The following KCNH8 variants were observed in gnomAD, a reference collection of about 807,000 sequenced individuals.
KCNH8 encodes voltage-gated delayed rectifier potassium channel KCNH8.
Under a neutral mutation model 103.6 loss-of-function variants are expected in KCNH8, and 70 were observed. The ratio of observed to expected loss-of-function variants is 0.68; its 90% CI spans 0.56 to 0.82. The LOEUF (loss-of-function observed/expected upper bound fraction) is 0.82, where lower values mean the gene tolerates loss of function less well. Among genes scored for constraint, KCNH8 ranks in the 40% least tolerant of loss-of-function variants. The probability of loss-of-function intolerance (pLI) is 0.00; values close to 1 mark genes in which losing one functional copy is unlikely to be tolerated. For missense variants in KCNH8, 1,217 were observed against 1,329.9 expected (o/e 0.92, Z 1.32); for synonymous variants, 498 against 489.4 (o/e 1.02, Z -0.23).
intron 3 of KCNH8, among the ~76,000 whole-genome samples, chr3:19,293,240 A>G (rs183741331): frequency 6.6e-6 from 1 of 152,296 alleles, no homozygotes; most frequent in Admixed American, 6.5e-5. Context: ...CAGAGCTTAT[A>G]TATTTCCACT....
chr3:19,456,485 T>G (rs2067534063), intron 10 of KCNH8, among the ~76,000 whole-genome samples: 1 of 152,076 alleles, frequency 6.6e-6, no homozygotes, highest in Non-Finnish European at 1.5e-5. Context: ...TTTGTCATAA[T>G]AACATTCCAA....
chr3:19,364,804 A>G lies in KCNH8; in HGVS notation c.811+16839A>G, dbSNP rs527452115. 6.6e-5 allele frequency among the ~76,000 whole-genome samples: 10 copies of G among 152,252 alleles called. No individual in the cohort carries two copies. In the South Asian group the frequency reaches 2.1e-3, roughly 32 times the overall value. ...GCACTTAAGCAAAGATTAAAATTGC[A>G]TTTGTTTTACAAATCAACTGTCAGT... is the stretch of plus-strand genomic sequence containing the variant. On this transcript the variant is annotated intron_variant, in intron 5 of 15. Coordinates refer to ENST00000328405, the MANE Select transcript of KCNH8 (RefSeq NM_144633.3).
At chr3:19,459,271 G>C (rs1415525152) in intron 11 of KCNH8, among the ~76,000 whole-genome samples, 1 of 150,608 alleles carries the variant, frequency 6.6e-6, no homozygotes, top group Admixed American at 6.6e-5. Context: ...CTTTGTTGTT[G>C]TTTTTTTTAA....
intron 11 of KCNH8, among the ~76,000 whole-genome samples, chr3:19,497,370 A>C (rs2068465551): frequency 6.6e-6 from 1 of 151,802 alleles, no homozygotes; most frequent in African/African-American, 2.4e-5. Context: ...TAACTTTTTG[A>C]TGTGGGTGTT....
intron 11 of KCNH8, among the ~76,000 whole-genome samples, chr3:19,481,568 G>T (rs1458434084): frequency 1.3e-5 from 2 of 152,136 alleles, no homozygotes; most frequent in African/African-American, 2.4e-5. Context: ...GAAAATTGGG[G>T]TCAATAAAGG....
intron 7 of KCNH8, among the ~76,000 whole-genome samples, chr3:19,403,425 T>G (rs1311677490): frequency 6.8e-6 from 1 of 146,176 alleles, no homozygotes; most frequent in African/African-American, 2.5e-5. Flanking sequence ...ATGGTATTAC[T>G]AAAGAACAAT....
chr3:19,405,352 A>G lies in KCNH8; in HGVS notation c.1177+10041A>G, dbSNP rs151324354. Among the ~76,000 whole-genome samples, 442 of 152,000 alleles carry G rather than the reference A, an allele frequency of 2.9e-3. 2 individuals carry two copies. Among genetic ancestry groups the G allele is most frequent in the African/African-American group, 0.01 (431 of 41,534 alleles). On this transcript the variant is annotated intron_variant, in intron 7 of 15. Coordinates refer to ENST00000328405, the MANE Select transcript of KCNH8 (RefSeq NM_144633.3). ...AGTGACTTTAAATTATTTTATAGAA[A>G]TATCAAATAATATGTATCTAATAAT...
intron 5 of KCNH8, among the ~76,000 whole-genome samples, chr3:19,382,210 C>A (rs1052398395): frequency 6.6e-6 from 1 of 152,060 alleles, no homozygotes; most frequent in Non-Finnish European, 1.5e-5. Context: ...TTTCAAAAAA[C>A]AATTCATAGA....
At chr3:19,367,357 C>T (rs1275896285) in intron 5 of KCNH8, among the ~76,000 whole-genome samples, 1 of 147,958 alleles carries the variant, frequency 6.8e-6, no homozygotes, top group African/African-American at 2.5e-5. Flanking sequence ...TCTTTAACCC[C>T]GTATTATAAT....
At chr3:19,291,964 C>A (rs1008739362) in intron 3 of KCNH8, among the ~76,000 whole-genome samples, 5 of 152,176 alleles carry the variant, frequency 3.3e-5, no homozygotes, top group Admixed American at 1.3e-4. Flanking sequence ...ATTGCCCTCA[C>A]CTGTGTGATA....
intron 3 of KCNH8, among the ~76,000 whole-genome samples, chr3:19,289,458 C>G (rs1575498885): frequency 6.6e-6 from 1 of 152,130 alleles, no homozygotes; most frequent in Admixed American, 6.5e-5. Flanking sequence ...AGCCAGTTTT[C>G]CCAGCACCAT....
At chr3:19,514,215 G>A (rs2068835698) in intron 13 of KCNH8, among the ~76,000 whole-genome samples, 1 of 151,980 alleles carries the variant, frequency 6.6e-6, no homozygotes, top group African/African-American at 2.4e-5. Context: ...TATAAAGCAA[G>A]TGGTCTTTCT....
intron 3 of KCNH8, among the ~76,000 whole-genome samples, chr3:19,314,390 A>T (rs557628550): frequency 1.3e-5 from 2 of 151,774 alleles, no homozygotes; most frequent in Non-Finnish European, 2.9e-5. Context: ...GACAGCATAG[A>T]CAGACACTGA....
chr3:19,267,480 GA>G (rs1243634322), intron 2 of KCNH8, among the ~76,000 whole-genome samples: 2 of 151,838 alleles, frequency 1.3e-5, no homozygotes, highest in Non-Finnish European at 2.9e-5. Context: ...TATTTGAGAA[GA>G]AAAATGTAGT....
At chr3:19,522,782 A>G (rs1285745132) in intron 15 of KCNH8, among the ~76,000 whole-genome samples, 1 of 151,816 alleles carries the variant, frequency 6.6e-6, no homozygotes, top group Non-Finnish European at 1.5e-5. Context: ...CCCTTTAGCG[A>G]TATAATAATT....
At chr3:19,369,010 A>G (rs1266721745) in intron 5 of KCNH8, among the ~76,000 whole-genome samples, 29 of 152,058 alleles carry the variant, frequency 1.9e-4, no homozygotes, top group Admixed American at 1.8e-3. Flanking sequence ...CTACTATAGT[A>G]TAATTAAGAG....
intron 3 of KCNH8, among the ~76,000 whole-genome samples, chr3:19,284,386 G>A (rs894490955): frequency 5.9e-5 from 9 of 152,072 alleles, no homozygotes; most frequent in African/African-American, 2.2e-4. Flanking sequence ...TTTTATAGAA[G>A]TGGCTAATGA....
chr3:19,308,912 G>T (rs1025751869), intron 3 of KCNH8, among the ~76,000 whole-genome samples: 17 of 151,194 alleles, frequency 1.1e-4, no homozygotes, highest in Non-Finnish European at 2.2e-4. Flanking sequence ...GTTTTTAAGG[G>T]AGCAGCAGGC....
At chr3:19,163,361 A>G (rs1392682349) in intron 1 of KCNH8, among the ~76,000 whole-genome samples, 4 of 151,088 alleles carry the variant, frequency 2.6e-5, no homozygotes, top group Non-Finnish European at 5.9e-5. Context: ...GTTTATCAAT[A>G]TAATAAAACT....
Sources: allele counts gnomAD v4.1 joint callset (sites outside exome capture counted in the v4.1 genomes callset), GRCh38; gene constraint gnomAD v4.1.1; transcripts MANE v1.5; gene names NCBI Gene and HGNC (gene_info 2026-07-23, HGNC 2026-07-21).